ARHGEF10: variants seen among roughly 807,000 people sequenced by gnomAD.
The protein encoded by ARHGEF10 is Rho guanine nucleotide exchange factor (GEF) 10.
ARHGEF10 carries 140 observed loss-of-function variants against 147.4 expected under a neutral mutation model. The ratio of observed to expected loss-of-function variants is 0.95; its 90% CI spans 0.83 to 1.09. ARHGEF10 has a LOEUF of 1.09. Ranked by LOEUF, ARHGEF10 falls within the 50% of genes least tolerant of loss-of-function variation. The probability of loss-of-function intolerance (pLI) is 0.00; values close to 1 mark genes in which losing one functional copy is unlikely to be tolerated. For synonymous variants in ARHGEF10, 902 were observed against 695.8 expected, an observed-to-expected ratio of 1.30 and a Z score of -4.67; for missense variants, 2,222 against 1,752.7, an observed-to-expected ratio of 1.27 and a Z score of -4.78.
At chr8:1,861,589 G>T (rs1056463150) in intron 4 of ARHGEF10, among the ~76,000 whole-genome samples, 6 of 152,132 alleles carry the variant, frequency 3.9e-5, no homozygotes, top group Non-Finnish European at 8.8e-5. Flanking sequence ...TCCTGTAAAG[G>T]TTTCAGTGGA....
At chr8:1,867,439 G>T (rs1806720459) in intron 6 of ARHGEF10, among the ~76,000 whole-genome samples, 3 of 152,206 alleles carry the variant, frequency 2.0e-5, no homozygotes, top group Non-Finnish European at 4.4e-5. Flanking sequence ...TGAAATGAGA[G>T]CAGTCTGCAA....
At chr8:1,924,522 G>A (rs780884530) in intron 21 of ARHGEF10, among the ~76,000 whole-genome samples, 7 of 152,184 alleles carry the variant, frequency 4.6e-5, no homozygotes, top group Non-Finnish European at 5.9e-5. Context: ...AAATGTTAAC[G>A]GAGTATAAAA....
intron 4 of ARHGEF10, among the ~76,000 whole-genome samples, chr8:1,863,278 G>A (rs1806303032): frequency 6.6e-6 from 1 of 152,132 alleles, no homozygotes; most frequent in Non-Finnish European, 1.5e-5. Context: ...CCAGCCCCTC[G>A]GGCATCTCGT....
intron 18 of ARHGEF10, among the ~76,000 whole-genome samples, chr8:1,915,228 CAG>C (rs1249328453): frequency 6.6e-6 from 1 of 152,146 alleles, no homozygotes; most frequent in African/African-American, 2.4e-5. Context: ...GGATGGAAGG[CAG>C]AGTGAAAACA....
At chr8:1,923,296 G>A (rs1812438387) in intron 19 of ARHGEF10, 172 bp from the exon 20 acceptor site, 1 of 1,069,752 alleles carries the variant, frequency 9.3e-7, no homozygotes, top group African/African-American at 1.6e-5. Context: ...TTCTATCTTA[G>A]AAATGTCTCA....
In ARHGEF10 at chr8:1,922,948, T is replaced by C. The variant is rs112914148; in HGVS notation, c.2144-16T>C. On this transcript the variant is annotated splice_polypyrimidine_tract_variant and intron_variant, in intron 18 of 28. Transcript: ENST00000349830. ...TACCTTTGTATTCTTTTTTTTTCTT[T>C]TTGCTTATTTTGTAGACAAAGTTTA... 1.9e-6 allele frequency: 3 copies of C among 1,564,096 alleles called. No homozygotes were observed. In the South Asian group the frequency reaches 3.3e-5, roughly 17 times the overall value.
intron 2 of ARHGEF10, among the ~76,000 whole-genome samples, chr8:1,846,740 CT>C (rs1485142493): frequency 6.6e-6 from 1 of 152,056 alleles, no homozygotes; most frequent in Non-Finnish European, 1.5e-5. Context: ...CCATGCCCAG[CT>C]AATTTTTGTA....
At chr8:1,834,677 C>G (rs964281562) in intron 1 of ARHGEF10, among the ~76,000 whole-genome samples, 1 of 152,234 alleles carries the variant, frequency 6.6e-6, no homozygotes, top group African/African-American at 2.4e-5. Flanking sequence ...GCGTGTTTGG[C>G]TTGCTGCGGT....
Position 1,859,948 on chromosome 8 carries a change from A to C in ARHGEF10, c.245A>C (p.Lys82Thr), listed in dbSNP as rs367950107. 1 of 1,614,188 alleles carries C rather than the reference A, an allele frequency of 6.2e-7. No individual in the cohort carries two copies. The highest frequency in any genetic ancestry group is 2.2e-5 in the East Asian group (1 of 44,874). ...AETTPVAEPT[K>T]LVLPMKVNPY... ...ACCACCCCAGTGGCAGAGCCTACTAAGCTGGTGCTCCCGATGAAAGTCAAC... is the reference window on the plus strand; with the variant it reads ...ACCACCCCAGTGGCAGAGCCTACTACGCTGGTGCTCCCGATGAAAGTCAAC... Residue 82 changes from lysine (K) to threonine (T), a missense_variant, in exon 4 of 29, where the codon AAG becomes ACG. Coordinates refer to ENST00000349830, the MANE Select transcript of ARHGEF10 (RefSeq NM_014629.4).
At chr8:1,941,535 A>G (rs57729473) in intron 26 of ARHGEF10, among the ~76,000 whole-genome samples, 12,498 of 152,158 alleles carry the variant, frequency 0.082, 880 homozygotes, top group East Asian at 0.33. Context: ...ACAGTCCCCA[A>G]TTGGATCTGC....
Position 1,928,462 on chromosome 8 carries a change from C to T in ARHGEF10, c.2733C>T (p.Ala911=). ...GCACCCATCAAATGGGTCAGATTGC[C>T]ATCGTCTCGTTTCAAAATTCCACTC... is the stretch of plus-strand genomic sequence containing the variant. ...GSCTHQMGQI[A]IVSFQNSTPK... Residue 911 remains alanine, a synonymous_variant, in exon 24 of 29, where the codon GCC becomes GCT. Coordinates refer to ENST00000349830, the MANE Select transcript of ARHGEF10 (RefSeq NM_014629.4). 7 of 1,614,112 alleles carry T rather than the reference C, an allele frequency of 4.3e-6. No homozygotes were observed. Among genetic ancestry groups the T allele is most frequent in the Non-Finnish European group, 5.9e-6 (7 of 1,180,028 alleles).
intron 8 of ARHGEF10, 138 bp from the exon 9 acceptor site, chr8:1,879,910 G>A (rs549784870): frequency 5.8e-5 from 44 of 755,708 alleles, no homozygotes; most frequent in East Asian, 4.2e-4. Context: ...GGACTCTCGC[G>A]TGTGGTCCCA....
At chr8:1,853,131 C>G (rs1805273965) in intron 2 of ARHGEF10, among the ~76,000 whole-genome samples, 1 of 152,206 alleles carries the variant, frequency 6.6e-6, no homozygotes, top group African/African-American at 2.4e-5. Context: ...TCGGCACGGG[C>G]TGCACTGCCG....
At chr8:1,952,902 T>C (rs1815172918) in intron 28 of ARHGEF10, 75 bp downstream of exon 28, 1 of 1,594,508 alleles carries the variant, frequency 6.3e-7, no homozygotes, top group Non-Finnish European at 8.6e-7. Context: ...TGTAGTGTGA[T>C]TTAACATCCT....
chr8:1,955,567 G>A (rs1208624994), intron 28 of ARHGEF10, among the ~76,000 whole-genome samples: 1 of 148,068 alleles, frequency 6.8e-6, no homozygotes, highest in Non-Finnish European at 1.5e-5. Flanking sequence ...CTCTGGATGG[G>A]TAGCTAGGTG....
intron 1 of ARHGEF10, among the ~76,000 whole-genome samples, chr8:1,839,226 T>G (rs1452050646): frequency 6.8e-6 from 1 of 147,016 alleles, no homozygotes; most frequent in Non-Finnish European, 1.5e-5. Flanking sequence ...CTGCCTGGTG[T>G]GGAAGCTGTC....
At chr8:1,841,517 A>G (rs913057372) in intron 1 of ARHGEF10, among the ~76,000 whole-genome samples, 4 of 152,130 alleles carry the variant, frequency 2.6e-5, no homozygotes, top group Admixed American at 2.0e-4. Flanking sequence ...TGTCCAGAGC[A>G]GCATCACCAG....
intron 27 of ARHGEF10, among the ~76,000 whole-genome samples, chr8:1,949,402 A>C (rs902517171): frequency 5.3e-5 from 8 of 152,222 alleles, no homozygotes; most frequent in African/African-American, 1.9e-4. Flanking sequence ...CATTCGTTAG[A>C]GCGGTCGTTA....
In ARHGEF10 at chr8:1,909,329, A is replaced by G. The variant is rs1353180482; in HGVS notation, c.2002A>G (p.Arg668Gly). 9 of 1,614,076 alleles carry G rather than the reference A, an allele frequency of 5.6e-6. No homozygotes were observed. The African/African-American group carries it at 1.1e-4, about 19-fold the overall frequency. The change falls in exon 18 of 29, where the codon AGG becomes GGG. Residue 668 changes from arginine to glycine, a missense_variant. By Grantham distance (125) the Arg-to-Gly change is moderately radical. Transcript: ENST00000349830. Reference protein sequence around the residue: ...SHDSRVMSSQRYLLKWSVPLG... With the variant: ...SHDSRVMSSQGYLLKWSVPLG... The stretch of plus-strand genomic sequence containing the variant: ...TGACAGCCGTGTGATGAGCAGCCAG[A>G]GGTACTTGCTGAAGTGGAGCGTTCC...
Sources: allele counts gnomAD v4.1 joint callset (sites outside exome capture counted in the v4.1 genomes callset), GRCh38; gene constraint gnomAD v4.1.1; transcripts MANE v1.5; gene names NCBI Gene and HGNC (gene_info 2026-07-23, HGNC 2026-07-21).